Variants in MACROD1 observed in about 807,000 individuals in gnomAD.
The protein encoded by MACROD1 is mono-ADP ribosylhydrolase 1, also known as ADP-ribose glycohydrolase MACROD1.
Under a neutral mutation model 41.4 loss-of-function variants are expected in MACROD1, and 31 were observed. The observed-to-expected ratio is 0.75, with a 90% confidence interval of 0.56 to 1.01. The LOEUF is 1.01. Among genes scored for constraint, MACROD1 ranks in the 50% least tolerant of loss-of-function variants. MACROD1 has a pLI of 0.00. For missense variants in MACROD1, 473 were observed against 460.0 expected (o/e 1.03, Z -0.26); for synonymous variants, 252 against 203.4 (o/e 1.24, Z -2.03).
At chr11:64,076,746 T>C (rs1228701440) in intron 3 of MACROD1, among the ~76,000 whole-genome samples, 1 of 152,204 alleles carries the variant, frequency 6.6e-6, no homozygotes, top group Non-Finnish European at 1.5e-5. Context: ...AACACTGCGA[T>C]GAGCATGTTG....
intron 3 of MACROD1, among the ~76,000 whole-genome samples, chr11:64,055,618 ACAT>A: frequency 6.6e-6 from 1 of 152,296 alleles, no homozygotes. Flanking sequence ...AGAGGCAGGG[ACAT>A]CATCTTTTGC....
At position 64,019,105 on chromosome 11, in the gene MACROD1, C is replaced by A. The variant is rs375919239; in HGVS notation, c.518-3824G>T. Among the ~76,000 whole-genome samples the A allele has an allele frequency of 7.2e-5, 11 of 152,284 alleles. No homozygotes were observed. In the East Asian group the frequency reaches 1.7e-3, roughly 24 times the overall value. ...GGCTCTGGGTGGGGGCGGGGCCTCC[C>A]GGCAGCAAGCACACCCTGGAGGCTG... On this transcript the variant is annotated intron_variant, in intron 3 of 10. Coordinates refer to ENST00000255681, the MANE Select transcript of MACROD1 (RefSeq NM_014067.4).
intron 3 of MACROD1, among the ~76,000 whole-genome samples, chr11:64,015,888 G>A (rs912555083): frequency 1.2e-4 from 19 of 152,206 alleles, no homozygotes; most frequent in African/African-American, 4.1e-4. Flanking sequence ...GGCCTGGAGC[G>A]CTGCCACTGG....
At chr11:64,050,404 C>A (rs1263016522) in intron 3 of MACROD1, among the ~76,000 whole-genome samples, 1 of 152,358 alleles carries the variant, frequency 6.6e-6, no homozygotes, top group Admixed American at 6.5e-5. Flanking sequence ...TGGGGCCAGG[C>A]CCTTGGCCAG....
chr11:64,011,892 C>T (rs1943021214), intron 4 of MACROD1, among the ~76,000 whole-genome samples: 1 of 151,984 alleles, frequency 6.6e-6, no homozygotes, highest in Non-Finnish European at 1.5e-5. Context: ...TGGATGAACT[C>T]AAAGGATGGT....
rs1181127750 is a variant in MACROD1 at position 64,001,703 on chromosome 11, C to T, written c.548-1360G>A. The T allele has an allele frequency of 5.7e-6, 4 of 702,296 alleles. No individual in the cohort carries two copies. The South Asian group carries it at 5.9e-5, about 10-fold the overall frequency. 43.5% of individuals were successfully genotyped at this position (702,296 alleles called of 1,614,324 possible). A position where few individuals can be genotyped will look rare whatever the true frequency, so the allele number is the denominator to read the frequency against. On this transcript the variant is annotated intron_variant, in intron 4 of 10. Coordinates refer to ENST00000255681, the MANE Select transcript of MACROD1 (RefSeq NM_014067.4). ...AGGCCTGGATCCCTTCCACCTGCTCCTCTCCTCTGCAGGGAGAAAGGCAGC... is the reference window on the plus strand; with the variant it reads ...AGGCCTGGATCCCTTCCACCTGCTCTTCTCCTCTGCAGGGAGAAAGGCAGC...
rs561244544 is a variant in MACROD1 at position 64,002,268 on chromosome 11, G to C, written c.548-1925C>G. 2.2e-4 allele frequency among the ~76,000 whole-genome samples: 33 copies of C among 152,296 alleles called. No homozygotes were observed. In the South Asian group the frequency reaches 6.2e-3, roughly 29 times the overall value. Reference sequence around the variant, plus strand: ...TCTGGGGGCTCACCGCCCTGCAGGCGACCTCGGCCAGCTGTGGGGGCCCGT... The same window carrying C: ...TCTGGGGGCTCACCGCCCTGCAGGCCACCTCGGCCAGCTGTGGGGGCCCGT... On this transcript the variant is annotated intron_variant, in intron 4 of 10. Coordinates refer to ENST00000255681, the MANE Select transcript of MACROD1 (RefSeq NM_014067.4).
At chr11:64,071,119 T>C (rs182693072) in intron 3 of MACROD1, among the ~76,000 whole-genome samples, 11 of 152,246 alleles carry the variant, frequency 7.2e-5, no homozygotes, top group African/African-American at 2.6e-4. Context: ...TTTGCCTTTG[T>C]TGTCAAAATT....
At chr11:64,028,614 G>A (rs1189444417) in intron 3 of MACROD1, among the ~76,000 whole-genome samples, 2 of 152,182 alleles carry the variant, frequency 1.3e-5, no homozygotes, top group African/African-American at 2.4e-5. Context: ...CCTCGGCAGC[G>A]GCAGCGTGCT....
At chr11:64,026,051 C>T (rs1347608796) in intron 3 of MACROD1, among the ~76,000 whole-genome samples, 3 of 152,074 alleles carry the variant, frequency 2.0e-5, no homozygotes, top group Non-Finnish European at 4.4e-5. Context: ...CGTGGTGGTG[C>T]GCGCCGGTAA....
intron 4 of MACROD1, among the ~76,000 whole-genome samples, chr11:64,003,365 G>A (rs1166937429): frequency 4.6e-5 from 7 of 152,112 alleles, no homozygotes; most frequent in Non-Finnish European, 5.9e-5. Context: ...TTACAGGGGC[G>A]CACCACTATG....
chr11:64,114,108 A>G (rs1944921667), intron 3 of MACROD1, among the ~76,000 whole-genome samples: 1 of 151,016 alleles, frequency 6.6e-6, no homozygotes. Context: ...AGGTGGATGC[A>G]TGGATGGATG....
chr11:64,143,081 T>A (rs1051785600), intron 3 of MACROD1, among the ~76,000 whole-genome samples: 1 of 118,190 alleles, frequency 8.5e-6, no homozygotes. Flanking sequence ...ACCACTGTAC[T>A]CCAGCCTGGG....
At chr11:64,118,757 C>G (rs931981027) in intron 3 of MACROD1, 1 of 168,690 alleles carries the variant, frequency 5.9e-6, no homozygotes, top group Non-Finnish European at 1.4e-5. Flanking sequence ...GCTGGCGACC[C>G]GATGGAAGGT....
intron 3 of MACROD1, among the ~76,000 whole-genome samples, chr11:64,128,656 C>A (rs1363620504): frequency 6.6e-6 from 1 of 151,628 alleles, no homozygotes; most frequent in African/African-American, 2.4e-5. Flanking sequence ...CTCAGTGCAG[C>A]CCCACCCTCT....
At chr11:64,019,705 T>C (rs1470872992) in intron 3 of MACROD1, among the ~76,000 whole-genome samples, 1 of 152,206 alleles carries the variant, frequency 6.6e-6, no homozygotes, top group East Asian at 1.9e-4. Context: ...CCCTGGGCCT[T>C]GGAAGCTTCC....
chr11:64,021,614 CCCTGG>C (rs1369820102), intron 3 of MACROD1, among the ~76,000 whole-genome samples: 1 of 152,112 alleles, frequency 6.6e-6, no homozygotes, highest in Non-Finnish European at 1.5e-5. Context: ...CTGGGCCTCA[CCCTGG>C]CCTCAGCTGC....
chr11:64,035,866 G>C (rs1292322162), intron 3 of MACROD1: 1 of 145,912 alleles, frequency 6.9e-6, no homozygotes, highest in Non-Finnish European at 1.5e-5. Flanking sequence ...ACCGCCGCTG[G>C]TCCCCGCCCC....
At chr11:64,050,071 C>T (rs771736064) in intron 3 of MACROD1, among the ~76,000 whole-genome samples, 14 of 152,152 alleles carry the variant, frequency 9.2e-5, no homozygotes, top group Non-Finnish European at 1.6e-4. Context: ...CCTACTCTTC[C>T]CTCGAGATCT....
Sources: allele counts gnomAD v4.1 joint callset (sites outside exome capture counted in the v4.1 genomes callset), GRCh38; gene constraint gnomAD v4.1.1; transcripts MANE v1.5; gene names NCBI Gene and HGNC (gene_info 2026-07-23, HGNC 2026-07-21).